Variants in ZNF528 observed in about 807,000 individuals in gnomAD.
ZNF528 encodes the protein zinc finger protein 528.
In ZNF528, 9 loss-of-function variants were observed where a neutral mutation model predicts 13.3. The ratio of observed to expected loss-of-function variants is 0.67; its 90% CI spans 0.41 to 1.18. ZNF528 has a LOEUF of 1.18. Among genes scored for constraint, ZNF528 ranks in the 50% most tolerant of loss-of-function variants. The probability of loss-of-function intolerance (pLI) is 0.01; values close to 1 mark genes in which losing one functional copy is unlikely to be tolerated. For synonymous variants in ZNF528, 264 were observed against 254.3 expected (o/e 1.04, Z -0.36); for missense variants, 858 against 745.4 (o/e 1.15, Z -1.76).
intron 6 of ZNF528, 125 bp from the exon 7 acceptor site, chr19:52,414,998 AT>A: frequency 6.4e-7 from 1 of 1,552,672 alleles, no homozygotes; most frequent in Non-Finnish European, 8.7e-7. Context: ...TGCCAGCATG[AT>A]ACACACAATA....
Position 52,406,660 on chromosome 19 carries a change from G to A in ZNF528, c.271+17G>A. 6.2e-7 allele frequency: 1 copy of A among 1,600,620 alleles called. No homozygotes were observed. Among genetic ancestry groups the A allele is most frequent in the Non-Finnish European group, 8.5e-7 (1 of 1,175,524 alleles). ...TGAACACAGGTGAGAGCTCGGGTGG[G>A]CAGAGTGGAGGCCCCATAATTTTTG... On this transcript the variant is annotated intron_variant, in intron 6 of 6. Coordinates refer to ENST00000360465, the MANE Select transcript of ZNF528 (RefSeq NM_032423.3).
chr19:52,402,956 A>T (rs1220063128), intron 4 of ZNF528, among the ~76,000 whole-genome samples: 1 of 152,198 alleles, frequency 6.6e-6, no homozygotes, highest in Non-Finnish European at 1.5e-5. Flanking sequence ...CATTCAGCCC[A>T]GGAGTTTGAG....
intron 4 of ZNF528, chr19:52,402,401 T>C (rs1198520429): frequency 1.0e-5 from 3 of 294,058 alleles, no homozygotes; most frequent in Non-Finnish European, 1.9e-5. Flanking sequence ...TTCCTTTCTT[T>C]CTTCTTTCTT....
In ZNF528 at chr19:52,401,718, A is replaced by G; in HGVS notation, c.-103A>G. On this transcript the variant is annotated 5_prime_UTR_variant, in exon 3 of 7. The change abolishes the stop of an existing upstream ORF in the 5' untranslated region. Coordinates refer to ENST00000360465, the MANE Select transcript of ZNF528 (RefSeq NM_032423.3). ...ATTTTAAGAAAGGGAGAATAAAGTG[A>G]AAAAAATCTCAGAAGGAATCCACTC... The G allele has an allele frequency of 7.3e-7, 1 of 1,370,472 alleles. No homozygotes were observed. The highest frequency in any genetic ancestry group is 9.6e-7 in the Non-Finnish European group (1 of 1,044,228). 84.9% of individuals were successfully genotyped at this position (1,370,472 alleles called of 1,614,324 possible).
intron 3 of ZNF528, 83 bp from the exon 4 acceptor site, chr19:52,401,845 TGAGGATTACCTCAGGGTGA>T: frequency 1.3e-6 from 2 of 1,529,894 alleles, no homozygotes; most frequent in South Asian, 1.2e-5. Flanking sequence ...AGTCAAAGTT[TGAGGATTACCTCAGGGTGA>T]GGTCTTCCCT....
At position 52,416,454 on chromosome 19, in the gene ZNF528, A is replaced by C; in HGVS notation, c.1602A>C (p.Ser534=). ...GTGGCAAGGTCTTTAATCAAGCATC[A>C]TACCTTACAAGACATCAAATAATTC... The part of the protein sequence containing the change: ...NQCGKVFNQA[S]YLTRHQIIHT... The change falls in exon 7 of 7, where the codon TCA becomes TCC. Residue 534 remains serine, a synonymous_variant. Coordinates refer to ENST00000360465, the MANE Select transcript of ZNF528 (RefSeq NM_032423.3). 1.2e-6 allele frequency: 2 copies of C among 1,614,212 alleles called. No homozygotes were observed. The highest frequency in any genetic ancestry group is 1.7e-6 in the Non-Finnish European group (2 of 1,180,038).
intron 6 of ZNF528, chr19:52,413,867 C>G: frequency 4.4e-6 from 1 of 226,978 alleles, no homozygotes; most frequent in Non-Finnish European, 8.9e-6. Flanking sequence ...TTTGATGAGC[C>G]TCTTTTAATC....
chr19:52,408,786 C>A (rs901536623), intron 6 of ZNF528, among the ~76,000 whole-genome samples: 4 of 152,086 alleles, frequency 2.6e-5, no homozygotes, highest in African/African-American at 9.7e-5. Context: ...AGGCTGGTCC[C>A]GAACTCCTGA....
intron 2 of ZNF528, among the ~76,000 whole-genome samples, chr19:52,400,338 G>A (rs1310668815): frequency 6.6e-6 from 1 of 151,486 alleles, no homozygotes; most frequent in African/African-American, 2.4e-5. Context: ...CTTGCAATAA[G>A]TATGCCTTTT....
rs757770235 is a variant in ZNF528, at chr19:52,415,174, C to T, written c.322C>T (p.Gln108Ter). The change falls in exon 7 of 7, where the codon CAA becomes TAA. Residue 108 changes from glutamine (Q) to a stop codon, truncating the protein, a stop_gained. Coordinates refer to ENST00000360465, the MANE Select transcript of ZNF528 (RefSeq NM_032423.3). LOFTEE classifies it low-confidence loss of function (END_TRUNC). ...TGCAGGAAACAAGCCTTGTAAAAAT[C>T]AACTTGGATTCACTTTTCAGTTACA... ...SNAGNKPCKN[Q>*]LGFTFQLHLS... 15 of 1,610,422 alleles carry T rather than the reference C, an allele frequency of 9.3e-6. No homozygotes were observed. Among genetic ancestry groups the T allele is most frequent in the Admixed American group, 8.4e-5 (5 of 59,322 alleles).
At chr19:52,398,671 C>G in intron 2 of ZNF528, 52 bp downstream of exon 2, 3 of 925,500 alleles carry the variant, frequency 3.2e-6, no homozygotes, top group Non-Finnish European at 3.9e-6. Context: ...GAGAAAATAG[C>G]AGGGGAGAAA....
rs879832053 is a variant in ZNF528, at chr19:52,418,316, A to G, written c.*1577A>G. ...ATATTCTTAAGTAGGATTCACATTT[A>G]ATTCTTGGTATTATAAGTTGCAACC... On this transcript the variant is annotated 3_prime_UTR_variant, in exon 7 of 7. Transcript: ENST00000360465. 1.3e-5 allele frequency: 2 copies of G among 152,150 alleles called. No homozygotes were observed. Among genetic ancestry groups the G allele is most frequent in the Non-Finnish European group, 2.9e-5 (2 of 68,032 alleles). The allele number at this position is 152,150 out of a possible 1,614,324, so 9.4% of individuals were successfully genotyped here. A position where few individuals can be genotyped will look rare whatever the true frequency, so the allele number is the denominator to read the frequency against.
chr19:52,414,477 G>T (rs2058973856), intron 6 of ZNF528: 2 of 587,654 alleles, frequency 3.4e-6, no homozygotes, highest in Admixed American at 3.0e-5. Context: ...CAGGGGGAGG[G>T]GGTGGTTATT....
intron 2 of ZNF528, among the ~76,000 whole-genome samples, chr19:52,401,256 C>G (rs1248694829): frequency 6.6e-6 from 1 of 152,162 alleles, no homozygotes; most frequent in South Asian, 2.1e-4. Flanking sequence ...TGAACTCCCC[C>G]AGACATGTTC....
At chr19:52,405,795 T>G in intron 4 of ZNF528, 112 bp from the exon 5 acceptor site, 1 of 1,442,474 alleles carries the variant, frequency 6.9e-7, no homozygotes, top group Non-Finnish European at 9.6e-7. Context: ...TAATATGGAT[T>G]TTTCACAGTG....
intron 3 of ZNF528, 85 bp from the exon 4 acceptor site, chr19:52,401,862 T>C: frequency 6.5e-7 from 1 of 1,542,850 alleles, no homozygotes; most frequent in Non-Finnish European, 8.8e-7. Context: ...TACCTCAGGG[T>C]GAGGTCTTCC....
chr19:52,409,223 T>C (rs1180983392), intron 6 of ZNF528, among the ~76,000 whole-genome samples: 1 of 152,210 alleles, frequency 6.6e-6, no homozygotes, highest in Non-Finnish European at 1.5e-5. Context: ...TTTGTCTTTT[T>C]TTGACTCTTG....
chr19:52,409,576 C>T (rs1247406339), intron 6 of ZNF528, among the ~76,000 whole-genome samples: 1 of 152,076 alleles, frequency 6.6e-6, no homozygotes, highest in Non-Finnish European at 1.5e-5. Flanking sequence ...AATCAGAGGG[C>T]TGCCTTTTTC....
chr19:52,405,530 CA>C (rs780188240), intron 4 of ZNF528, among the ~76,000 whole-genome samples: 1 of 150,612 alleles, frequency 6.6e-6, no homozygotes, highest in Admixed American at 6.6e-5. Context: ...TACCCTGTCT[CA>C]AAAAAAAGAA....
Sources: allele counts gnomAD v4.1 joint callset (sites outside exome capture counted in the v4.1 genomes callset), GRCh38; gene constraint gnomAD v4.1.1; transcripts MANE v1.5; gene names NCBI Gene and HGNC (gene_info 2026-07-23, HGNC 2026-07-21).